HTD2: variants seen among roughly 807,000 people sequenced by gnomAD.
HTD2 encodes the protein hydroxyacyl-thioester dehydratase type 2, mitochondrial.
A neutral mutation model predicts 3.1 loss-of-function variants in HTD2; 1 was observed. That is an observed-to-expected ratio of 0.32 (90% confidence interval 0.11 to 1.52). HTD2 has a LOEUF of 1.52. Ranked by LOEUF, HTD2 falls within the 40% of genes most tolerant of loss-of-function variation. The probability of loss-of-function intolerance (pLI) is 0.39; values close to 1 mark genes in which losing one functional copy is unlikely to be tolerated. For missense variants in HTD2, 150 were observed against 79.6 expected (o/e 1.88, Z -3.36); for synonymous variants, 50 against 28.9 (o/e 1.73, Z -2.34).
chr3:58,316,812 G>T (rs554292394), intron 3 of HTD2, 103 bp from the exon 4 acceptor site: 2 of 1,074,166 alleles, frequency 1.9e-6, no homozygotes, highest in South Asian at 2.9e-5. Context: ...CCCATTGATG[G>T]TTATAGTTGC....
intron 2 of HTD2, among the ~76,000 whole-genome samples, chr3:58,311,618 A>G (rs1336111072): frequency 6.6e-6 from 1 of 151,362 alleles, no homozygotes; most frequent in African/African-American, 2.4e-5. Context: ...ATTGTAATAT[A>G]TACCACTTTT....
Position 58,316,577 on chromosome 3 carries a change from G to A in HTD2, c.-268G>A. 1 of 1,614,010 alleles carries A rather than the reference G, an allele frequency of 6.2e-7. No homozygotes were observed. The highest frequency in any genetic ancestry group is 8.5e-7 in the Non-Finnish European group (1 of 1,179,898). On this transcript the variant is annotated 5_prime_UTR_variant, in exon 3 of 5. An upstream open reading frame in the 5' UTR loses its in-frame stop. Transcript: ENST00000461393. The stretch of plus-strand genomic sequence containing the variant: ...AAGAGAAGACCTTGTCAGCCATCTT[G>A]AGAATATGTAGCAGGTATGACAGAG...
chr3:58,310,348 A>C (rs1215121087), intron 1 of HTD2, 159 bp from the exon 2 acceptor site: 1 of 1,614,070 alleles, frequency 6.2e-7, no homozygotes, highest in Non-Finnish European at 8.5e-7. Flanking sequence ...CCCTGCTGCC[A>C]CATATGAAAG....
Position 58,310,528 on chromosome 3 carries a change from T to C in HTD2, c.-394T>C. 2 of 1,611,846 alleles carry C rather than the reference T, an allele frequency of 1.2e-6. No individual in the cohort carries two copies. The highest frequency in any genetic ancestry group is 1.7e-6 in the Non-Finnish European group (2 of 1,179,432). The stretch of plus-strand genomic sequence containing the variant: ...TTAGAGAATTTCAAGATTGTGGAGT[T>C]GGACTGAATGCTGCACAGTTCAAAC... On this transcript the variant is annotated 5_prime_UTR_variant, in exon 2 of 5. Transcript: ENST00000461393.
chr3:58,310,603 C>T lies in HTD2; in HGVS notation c.-331+12C>T, dbSNP rs2097481164. On this transcript the variant is annotated intron_variant, in intron 2 of 4. Coordinates refer to ENST00000461393, the MANE Select transcript of HTD2 (RefSeq NM_001348712.2). The stretch of plus-strand genomic sequence containing the variant: ...ACCTGTTTGGGGAGGTATGGAATCA[C>T]TTGGTAGATTGAACATTCCAAAGAT... 1.9e-6 allele frequency: 3 copies of T among 1,595,688 alleles called. No individual in the cohort carries two copies. The highest frequency in any genetic ancestry group is 2.6e-6 in the Non-Finnish European group (3 of 1,171,860).
chr3:58,313,184 G>A (rs952267878), intron 2 of HTD2, among the ~76,000 whole-genome samples: 6 of 151,876 alleles, frequency 4.0e-5, no homozygotes, highest in Non-Finnish European at 5.9e-5. Flanking sequence ...GCATGAACCC[G>A]GGAGGTGGAG....
At chr3:58,308,232 A>G (rs948468017) in intron 1 of HTD2, among the ~76,000 whole-genome samples, 4 of 151,976 alleles carry the variant, frequency 2.6e-5, no homozygotes, top group African/African-American at 7.2e-5. Context: ...CTATACCACT[A>G]TCACTTTTCT....
intron 1 of HTD2, chr3:58,310,191 G>C: frequency 1.4e-6 from 1 of 709,642 alleles, no homozygotes; most frequent in Non-Finnish European, 2.4e-6. Context: ...TAGGTGACAG[G>C]GTGAGACCCT....
intron 2 of HTD2, among the ~76,000 whole-genome samples, chr3:58,313,687 T>C (rs1375087881): frequency 3.9e-5 from 6 of 152,120 alleles, no homozygotes; most frequent in Admixed American, 2.6e-4. Flanking sequence ...GAGCTGGGTG[T>C]GGTGGTGTGC....
At chr3:58,312,612 CTT>C (rs1437681745) in intron 2 of HTD2, among the ~76,000 whole-genome samples, 1 of 152,232 alleles carries the variant, frequency 6.6e-6, no homozygotes, top group East Asian at 1.9e-4. Context: ...CCTGCAAACT[CTT>C]TTCCCATCTT....
In HTD2 at chr3:58,316,538, C is replaced by T; in HGVS notation, c.-307C>T. 2 of 1,614,056 alleles carry T rather than the reference C, an allele frequency of 1.2e-6. No individual in the cohort carries two copies. The highest frequency in any genetic ancestry group is 1.7e-6 in the Non-Finnish European group (2 of 1,179,916). ...AGGTTGATGCCGCCTTACCTTTGGA[C>T]ATCCTAACCTATGAAGAGAAGACCT... On this transcript the variant is annotated 5_prime_UTR_variant, in exon 3 of 5. Coordinates refer to ENST00000461393, the MANE Select transcript of HTD2 (RefSeq NM_001348712.2).
At chr3:58,314,675 A>ATTTTTTTTTTTTT (rs751757663) in intron 2 of HTD2, among the ~76,000 whole-genome samples, 19 of 90,582 alleles carry the variant, frequency 2.1e-4, no homozygotes, top group South Asian at 4.5e-4. Flanking sequence ...GTTTGGCAGT[A>ATTTTTTTTTTTTT]TTTTTTTTTT....
At chr3:58,306,253 C>G (rs1347982347), upstream of HTD2, 1 of 152,236 alleles carries the variant, frequency 6.6e-6, no homozygotes, top group Non-Finnish European at 1.5e-5. Context: ...TCATATCCGC[C>G]TGGGCGTCAC....
At chr3:58,313,995 G>C (rs190097987) in intron 2 of HTD2, among the ~76,000 whole-genome samples, 5 of 152,360 alleles carry the variant, frequency 3.3e-5, no homozygotes, top group Non-Finnish European at 7.3e-5. Context: ...GAGGCTGGCT[G>C]TGGTAAACTA....
Position 58,307,146 on chromosome 3 carries a change from T to G in HTD2, c.-416+495T>G, listed in dbSNP as rs539664372. Among the ~76,000 whole-genome samples, 9 of 152,140 alleles carry G rather than the reference T, an allele frequency of 5.9e-5. No individual in the cohort carries two copies. In the South Asian group the frequency reaches 1.9e-3, roughly 32 times the overall value. On this transcript the variant is annotated intron_variant, in intron 1 of 4. Coordinates refer to ENST00000461393, the MANE Select transcript of HTD2 (RefSeq NM_001348712.2). ...AAAGAGCTAGGCTAGGCCTGTGTGGTGGCGGGGATTGAGCGGAGGGAGAAT... is the reference window on the plus strand; with the variant it reads ...AAAGAGCTAGGCTAGGCCTGTGTGGGGGCGGGGATTGAGCGGAGGGAGAAT...
intron 2 of HTD2, among the ~76,000 whole-genome samples, chr3:58,314,235 C>A (rs909241899): frequency 6.6e-6 from 1 of 152,166 alleles, no homozygotes; most frequent in Non-Finnish European, 1.5e-5. Context: ...CCTGTAACCC[C>A]AGCTACTCGG....
At chr3:58,312,981 G>T (rs1186287483) in intron 2 of HTD2, among the ~76,000 whole-genome samples, 5 of 103,412 alleles carry the variant, frequency 4.8e-5, no homozygotes, top group African/African-American at 1.2e-4. Flanking sequence ...AAAAAAAAAA[G>T]GGCTGGGCAC....
In HTD2 at chr3:58,310,226, A is replaced by C. The variant is rs964473656; in HGVS notation, c.-415-281A>C. On this transcript the variant is annotated intron_variant, in intron 1 of 4. Coordinates refer to ENST00000461393, the MANE Select transcript of HTD2 (RefSeq NM_001348712.2). The stretch of plus-strand genomic sequence containing the variant: ...TGCCTTAAAACAAACAAACAAAAAA[A>C]ACCCAAATAGGCCAAATTCTCATCA... The C allele has an allele frequency of 1.5e-5, 16 of 1,098,314 alleles. No homozygotes were observed. In the African/African-American group the frequency reaches 2.1e-4, roughly 14 times the overall value. 68.0% of individuals were successfully genotyped at this position (1,098,314 alleles called of 1,614,324 possible).
chr3:58,314,675 ATTT>A (rs751757663), intron 2 of HTD2, among the ~76,000 whole-genome samples: 15 of 90,576 alleles, frequency 1.7e-4, no homozygotes, highest in Middle Eastern at 0.01. Flanking sequence ...GTTTGGCAGT[ATTT>A]TTTTTTTTTT....
Sources: allele counts gnomAD v4.1 joint callset (sites outside exome capture counted in the v4.1 genomes callset), GRCh38; gene constraint gnomAD v4.1.1; transcripts MANE v1.5; gene names NCBI Gene and HGNC (gene_info 2026-07-23, HGNC 2026-07-21).